The following SLC16A14 variants were observed in gnomAD, a reference collection of about 807,000 sequenced individuals.
The protein encoded by SLC16A14 is solute carrier family 16 member 14.
Under a neutral mutation model 35.8 loss-of-function variants are expected in SLC16A14, and 14 were observed. The observed-to-expected ratio is 0.39, with a 90% CI of 0.26 to 0.61. The LOEUF is 0.61. Among genes scored for constraint, SLC16A14 ranks in the 20% least tolerant of loss-of-function variants. SLC16A14 has a pLI of 0.51. For missense variants in SLC16A14, 533 were observed against 655.0 expected (o/e 0.81, Z 2.03); for synonymous variants, 248 against 258.9 (o/e 0.96, Z 0.40).
chr2:230,060,454 C>G (rs781710876), intron 1 of SLC16A14, among the ~76,000 whole-genome samples: 98 of 152,132 alleles, frequency 6.4e-4, no homozygotes, highest in Non-Finnish European at 1.3e-3. Flanking sequence ...AGGGATCTCC[C>G]ACTTCAGCCT....
At position 230,037,153 on chromosome 2, in the gene SLC16A14, C is replaced by T; in HGVS notation, c.*227G>A. ...CTTACTAGGCTGTCTTTGAACAACA[C>T]TGTCATCTCTAGAATGTATGTAGTC... On this transcript the variant is annotated 3_prime_UTR_variant, in exon 5 of 5. Transcript: ENST00000295190. 3.1e-6 allele frequency: 1 copy of T among 317,630 alleles called. No individual in the cohort carries two copies. 19.7% of individuals were successfully genotyped at this position (317,630 alleles called of 1,614,324 possible).
intron 4 of SLC16A14, among the ~76,000 whole-genome samples, chr2:230,044,863 G>A (rs1360550533): frequency 6.6e-6 from 1 of 151,880 alleles, no homozygotes; most frequent in African/African-American, 2.4e-5. Context: ...ACAGGTGTGA[G>A]CTACCACTCC....
chr2:230,053,769 C>T (rs528748868), intron 2 of SLC16A14, among the ~76,000 whole-genome samples: 13 of 152,022 alleles, frequency 8.6e-5, no homozygotes, highest in African/African-American at 2.9e-4. Flanking sequence ...TGACAGAGTG[C>T]GACTTCATCT....
intron 2 of SLC16A14, among the ~76,000 whole-genome samples, chr2:230,051,975 T>C (rs940231386): frequency 6.6e-6 from 1 of 151,740 alleles, no homozygotes; most frequent in Non-Finnish European, 1.5e-5. Flanking sequence ...TTAGCTCTGT[T>C]GCCCAGGCTG....
chr2:230,047,303 ACTT>A (rs1273002047), intron 3 of SLC16A14, among the ~76,000 whole-genome samples: 20 of 124,262 alleles, frequency 1.6e-4, no homozygotes, highest in African/African-American at 5.2e-4. Context: ...AAAATATCTG[ACTT>A]CTTTTTTTTT....
At chr2:230,052,788 G>T (rs1193250440) in intron 2 of SLC16A14, among the ~76,000 whole-genome samples, 1 of 151,878 alleles carries the variant, frequency 6.6e-6, no homozygotes, top group East Asian at 1.9e-4. Context: ...AGTCATTTAT[G>T]ATTTGCAGAT....
chr2:230,059,407 G>A, intron 1 of SLC16A14, 41 bp from the exon 2 acceptor site: 1 of 1,447,816 alleles, frequency 6.9e-7, no homozygotes, highest in Non-Finnish European at 9.3e-7. Context: ...AACATCAAAA[G>A]GAAAAATATC....
At chr2:230,064,788 A>C (rs773830059) in intron 1 of SLC16A14, among the ~76,000 whole-genome samples, 4 of 152,198 alleles carry the variant, frequency 2.6e-5, no homozygotes, top group Non-Finnish European at 5.9e-5. Context: ...AGGTAGGCGG[A>C]TCACCTGAGG....
chr2:230,047,493 C>G (rs752014247), intron 3 of SLC16A14, among the ~76,000 whole-genome samples: 24 of 152,010 alleles, frequency 1.6e-4, no homozygotes, highest in Non-Finnish European at 2.9e-4. Context: ...TTTGTAGACA[C>G]GTGGTTTCAC....
intron 4 of SLC16A14, among the ~76,000 whole-genome samples, chr2:230,042,580 T>C (rs1367992067): frequency 1.3e-5 from 2 of 152,198 alleles, no homozygotes; most frequent in African/African-American, 4.8e-5. Flanking sequence ...CATTTCTGCA[T>C]ACAGTGTATC....
chr2:230,045,650 A>T (rs1159242669), intron 4 of SLC16A14, 95 bp downstream of exon 4: 2 of 1,376,068 alleles, frequency 1.5e-6, no homozygotes, highest in Non-Finnish European at 2.0e-6. Context: ...AGGAAAATGT[A>T]CACAAATGGA....
chr2:230,064,902 C>T (rs953383589), intron 1 of SLC16A14, among the ~76,000 whole-genome samples: 15 of 152,008 alleles, frequency 9.9e-5, no homozygotes, highest in African/African-American at 2.7e-4. Flanking sequence ...CCCAGCTACT[C>T]GGGAGGCTGA....
At chr2:230,045,607 T>A in intron 4 of SLC16A14, 138 bp downstream of exon 4, 2 of 935,664 alleles carry the variant, frequency 2.1e-6, no homozygotes, top group Non-Finnish European at 3.2e-6. Flanking sequence ...AATGTATAAA[T>A]GAGAAAGTAA....
chr2:230,044,788 A>C (rs949602413), intron 4 of SLC16A14, among the ~76,000 whole-genome samples: 1 of 148,272 alleles, frequency 6.7e-6, no homozygotes. Context: ...TGTATTGCCC[A>C]GGCTGGTCTT....
At chr2:230,049,371 C>A (rs1382691319) in intron 3 of SLC16A14, among the ~76,000 whole-genome samples, 1 of 152,050 alleles carries the variant, frequency 6.6e-6, no homozygotes, top group Non-Finnish European at 1.5e-5. Context: ...TGAGCTACTG[C>A]CCCTGGCCTA....
chr2:230,048,979 G>A (rs1362854086), intron 3 of SLC16A14, among the ~76,000 whole-genome samples: 2 of 147,440 alleles, frequency 1.4e-5, no homozygotes, highest in African/African-American at 5.0e-5. Flanking sequence ...GAACGTTATT[G>A]GTTTCCTTAA....
chr2:230,036,993 C>T lies in SLC16A14; in HGVS notation c.*387G>A, dbSNP rs2077523898. The stretch of plus-strand genomic sequence containing the variant: ...GCTTTCTGGAAGCACACAGATACTT[C>T]AGTTTTGTCTTACAAAGAAGTGGTT... On this transcript the variant is annotated 3_prime_UTR_variant, in exon 5 of 5. Transcript: ENST00000295190. The T allele has an allele frequency of 6.5e-6, 1 of 153,482 alleles. No individual in the cohort carries two copies. The highest frequency in any genetic ancestry group is 6.5e-5 in the Admixed American group (1 of 15,340). The allele number at this position is 153,482 out of a possible 1,614,324, so 9.5% of individuals were successfully genotyped here.
intron 2 of SLC16A14, 76 bp downstream of exon 2, chr2:230,059,018 T>C: frequency 6.6e-7 from 1 of 1,508,488 alleles, no homozygotes; most frequent in Non-Finnish European, 8.9e-7. Context: ...GTTACAACAA[T>C]ATAAAACATC....
intron 1 of SLC16A14, chr2:230,067,943 C>A (rs1038548960): frequency 2.6e-5 from 4 of 152,166 alleles, no homozygotes. Flanking sequence ...CACCCGCGCT[C>A]GGTGCTCCCG....
Sources: gnomAD v4.1 joint callset for allele counts (sites outside exome capture counted in the v4.1 genomes callset) on GRCh38, gnomAD v4.1.1 for gene constraint, MANE v1.5 for transcripts, NCBI Gene and HGNC (gene_info 2026-07-23, HGNC 2026-07-21) for gene names.